Variants in NXN observed in about 807,000 individuals in gnomAD.
NXN encodes nucleoredoxin, also known as nucleoredoxin 1.
In NXN, 16 loss-of-function variants were observed where a neutral mutation model predicts 48.6. The ratio of observed to expected loss-of-function variants is 0.33; its 90% CI spans 0.22 to 0.50. The LOEUF is 0.50. Among genes scored for constraint, NXN ranks in the 20% least tolerant of loss-of-function variants. The pLI, the probability that NXN is intolerant of heterozygous loss-of-function variation, is 0.98. For missense variants in NXN, 492 were observed against 605.5 expected (o/e 0.81, Z 1.97); for synonymous variants, 281 against 269.6 (o/e 1.04, Z -0.41).
chr17:808,106 G>T (rs910349992), intron 5 of NXN, among the ~76,000 whole-genome samples: 1 of 152,120 alleles, frequency 6.6e-6, no homozygotes, highest in Non-Finnish European at 1.5e-5. Flanking sequence ...GGCCGTGGAC[G>T]CTTCTGGGGT....
At chr17:870,450 T>C (rs2068139613) in intron 1 of NXN, among the ~76,000 whole-genome samples, 1 of 152,044 alleles carries the variant, frequency 6.6e-6, no homozygotes, top group African/African-American at 2.4e-5. Context: ...CCAGGTTGAA[T>C]GAAAAATCCT....
chr17:895,896 T>C (rs1217906110), intron 1 of NXN, among the ~76,000 whole-genome samples: 3 of 152,118 alleles, frequency 2.0e-5, no homozygotes, highest in Admixed American at 1.3e-4. Context: ...GTGAATCTTT[T>C]AGTAAAATGG....
rs372340670 is a variant in NXN, at chr17:909,385, G to C, written c.360+69934C>G. 5.3e-5 allele frequency among the ~76,000 whole-genome samples: 8 copies of C among 152,174 alleles called. No homozygotes were observed. In the East Asian group the frequency reaches 5.8e-4, roughly 11 times the overall value. On this transcript the variant is annotated intron_variant, in intron 1 of 7. Transcript: ENST00000336868. ...CAAATAGAGGAATAGCGTTCCCTTA[G>C]AATAAAGTCCAGTGTAACATTTGGA...
chr17:881,416 G>C (rs78462031), intron 1 of NXN, among the ~76,000 whole-genome samples: 1 of 152,084 alleles, frequency 6.6e-6, no homozygotes, highest in East Asian at 1.9e-4. Context: ...CCATTGAGAC[G>C]GGGTTTCGCC....
intron 1 of NXN, among the ~76,000 whole-genome samples, chr17:955,296 T>C (rs915094580): frequency 6.6e-6 from 1 of 151,086 alleles, no homozygotes; most frequent in Non-Finnish European, 1.5e-5. Flanking sequence ...GCCTCCCGAG[T>C]AGCTGGGATT....
intron 1 of NXN, among the ~76,000 whole-genome samples, chr17:890,179 A>G (rs1360555395): frequency 6.6e-6 from 1 of 152,200 alleles, no homozygotes; most frequent in East Asian, 1.9e-4. Flanking sequence ...CTAAGAACAG[A>G]AAAAAACCAG....
At chr17:935,495 T>C (rs931480772) in intron 1 of NXN, among the ~76,000 whole-genome samples, 2 of 151,850 alleles carry the variant, frequency 1.3e-5, no homozygotes, top group South Asian at 2.1e-4. Flanking sequence ...TCTGGCAAGG[T>C]TGTAGGAAAA....
intron 1 of NXN, among the ~76,000 whole-genome samples, chr17:948,228 G>A (rs772022128): frequency 6.6e-6 from 1 of 152,072 alleles, no homozygotes; most frequent in Non-Finnish European, 1.5e-5. Context: ...GTAATTTACA[G>A]TACACAGGAT....
At chr17:816,088 G>A (rs1030328105) in intron 5 of NXN, among the ~76,000 whole-genome samples, 7 of 152,180 alleles carry the variant, frequency 4.6e-5, no homozygotes, top group African/African-American at 1.4e-4. Flanking sequence ...TAACGCTTGG[G>A]AGAGACCTGG....
chr17:862,089 C>T (rs997031371), intron 1 of NXN, among the ~76,000 whole-genome samples: 3 of 152,094 alleles, frequency 2.0e-5, no homozygotes, highest in Non-Finnish European at 2.9e-5. Context: ...CCTCAGTCTC[C>T]CAAAGTGCTG....
intron 1 of NXN, among the ~76,000 whole-genome samples, chr17:972,041 C>A (rs140104287): frequency 6.6e-6 from 1 of 152,270 alleles, no homozygotes; most frequent in African/African-American, 2.4e-5. Flanking sequence ...TGGCTCACAC[C>A]CGTAAGCCCA....
intron 1 of NXN, among the ~76,000 whole-genome samples, chr17:943,278 T>A (rs1358615961): frequency 6.6e-6 from 1 of 152,148 alleles, no homozygotes; most frequent in Non-Finnish European, 1.5e-5. Flanking sequence ...AACCACCGAC[T>A]CCCAGCTCTG....
intron 1 of NXN, among the ~76,000 whole-genome samples, chr17:944,544 C>G (rs2069021568): frequency 6.6e-6 from 1 of 152,218 alleles, no homozygotes; most frequent in South Asian, 2.1e-4. Context: ...AAGGTAGATT[C>G]TGTTTGTTTA....
At chr17:902,419 A>G (rs866038131) in intron 1 of NXN, among the ~76,000 whole-genome samples, 7 of 152,232 alleles carry the variant, frequency 4.6e-5, no homozygotes, top group African/African-American at 7.2e-5. Flanking sequence ...GGACATCTAC[A>G]TCGAGGCAGA....
rs1057454241 is a variant in NXN, at chr17:870,312, G to A, written c.361-44234C>T. Among the ~76,000 whole-genome samples the A allele has an allele frequency of 2.6e-5, 4 of 152,330 alleles. No individual in the cohort carries two copies. In the East Asian group the frequency reaches 7.7e-4, roughly 29 times the overall value. ...ATCCAGAAAGATTCCGGTTCTGTGA[G>A]TGTTACTAACGGGGCAAGCACCTTG... On this transcript the variant is annotated intron_variant, in intron 1 of 7. Coordinates refer to ENST00000336868, the MANE Select transcript of NXN (RefSeq NM_022463.5).
At chr17:842,667 G>A in intron 1 of NXN, 21 of 575,348 alleles carry the variant, frequency 3.6e-5, no homozygotes, top group Non-Finnish European at 4.4e-5. Context: ...GCAGGGTGCA[G>A]TGGCTCATGC....
At chr17:940,849 G>C (rs1362288297) in intron 1 of NXN, among the ~76,000 whole-genome samples, 1 of 150,446 alleles carries the variant, frequency 6.6e-6, no homozygotes, top group Non-Finnish European at 1.5e-5. Flanking sequence ...GATTTACAGT[G>C]AACAAGATTC....
intron 1 of NXN, among the ~76,000 whole-genome samples, chr17:966,271 A>G (rs2069301739): frequency 6.6e-6 from 1 of 152,148 alleles, no homozygotes; most frequent in Non-Finnish European, 1.5e-5. Context: ...ACAAATTTGT[A>G]AACTTTCTTA....
At chr17:861,842 TTTAAA>T (rs1299004042) in intron 1 of NXN, among the ~76,000 whole-genome samples, 1 of 146,630 alleles carries the variant, frequency 6.8e-6, no homozygotes, top group Non-Finnish European at 1.5e-5. Context: ...TGTTTTTTCT[TTTAAA>T]TTGAGACAGT....
Sources: allele counts gnomAD v4.1 joint callset (sites outside exome capture counted in the v4.1 genomes callset), GRCh38; gene constraint gnomAD v4.1.1; transcripts MANE v1.5; gene names NCBI Gene and HGNC (gene_info 2026-07-23, HGNC 2026-07-21).